Variants in CNOT3 observed in about 807,000 individuals in gnomAD.
The protein encoded by CNOT3 is CCR4-NOT transcription complex subunit 3.
CNOT3 carries 2 observed loss-of-function variants against 89.4 expected under a neutral mutation model. That is an observed-to-expected ratio of 0.02 (90% CI 0.01 to 0.07). CNOT3 has a LOEUF of 0.07. CNOT3 is among the 10% of genes least tolerant of loss of function. The pLI is 1.00. For missense variants in CNOT3, 664 were observed against 1,010.2 expected (o/e 0.66, Z 4.65); for synonymous variants, 486 against 402.0 (o/e 1.21, Z -2.50).
At position 54,148,836 on chromosome 19, in the gene CNOT3, C is replaced by A; in HGVS notation, c.1406+93C>A. 1.7e-6 allele frequency: 2 copies of A among 1,159,304 alleles called. No individual in the cohort carries two copies. Among genetic ancestry groups the A allele is most frequent in the East Asian group, 2.6e-5 (1 of 39,070 alleles). The allele number at this position is 1,159,304 out of a possible 1,614,324, so 71.8% of individuals were successfully genotyped here. On this transcript the variant is annotated intron_variant, in intron 12 of 17. Coordinates refer to ENST00000221232, the MANE Select transcript of CNOT3 (RefSeq NM_014516.4). The surrounding 1 kb of genome is among the most constrained non-coding windows in gnomAD (Gnocchi z 6.3). ...ACCCCCGCATCGGTGGGTTCTGAAC[C>A]CCCCGCCCTTGCTGCTGGGAATGGC...
At position 54,152,579 on chromosome 19, in the gene CNOT3, G is replaced by A; in HGVS notation, c.1857G>A (p.Glu619=). Reference sequence around the variant, plus strand: ...AGCTCTATCAGCAGGCCATGGAAGAGGCCGCCTGGCACCACATGCCTCACC... The same window carrying A: ...AGCTCTATCAGCAGGCCATGGAAGAAGCCGCCTGGCACCACATGCCTCACC... ...KEQLYQQAME[E]AAWHHMPHPS... Residue 619 remains glutamate (E), a synonymous_variant, in exon 15 of 18, where the codon GAG becomes GAA. Transcript: ENST00000221232. 4 of 1,614,042 alleles carry A rather than the reference G, an allele frequency of 2.5e-6. No homozygotes were observed. Among genetic ancestry groups the A allele is most frequent in the Admixed American group, 1.7e-5 (1 of 60,030 alleles).
In CNOT3 at chr19:54,142,958, T is replaced by A. The variant is rs370627054; in HGVS notation, c.-21T>A. The A allele has an allele frequency of 2.5e-6, 4 of 1,613,156 alleles. No homozygotes were observed. Among genetic ancestry groups the A allele is most frequent in the South Asian group, 1.1e-5 (1 of 91,052 alleles). On this transcript the variant is annotated 5_prime_UTR_variant, in exon 2 of 18. Transcript: ENST00000221232. Reference sequence around the variant, plus strand: ...CGTCTCCAAGAGAGTATGAAGAGAGTGCGTCTGTAGGGCAGGGAAGATGGC... The same window carrying A: ...CGTCTCCAAGAGAGTATGAAGAGAGAGCGTCTGTAGGGCAGGGAAGATGGC...
chr19:54,139,698 G>T (rs3810242), intron 1 of CNOT3, among the ~76,000 whole-genome samples: 87,337 of 151,918 alleles, frequency 0.57, 25,150 homozygotes, highest in Admixed American at 0.61. Context: ...CTCTTGATTT[G>T]TCACTGTATG....
rs1263665238 is a variant in CNOT3, at chr19:54,153,136, T to A, written c.2037+137T>A. 6 of 780,274 alleles carry A rather than the reference T, an allele frequency of 7.7e-6. No homozygotes were observed. The South Asian group carries it at 8.3e-5, about 11-fold the overall frequency. 48.3% of individuals were successfully genotyped at this position (780,274 alleles called of 1,614,324 possible). A position where few individuals can be genotyped will look rare whatever the true frequency, so the allele number is the denominator to read the frequency against. On this transcript the variant is annotated intron_variant, in intron 16 of 17. Transcript: ENST00000221232. ...CGCACCCCCTCCCTATTCCCACTCC[T>A]GGGCCCCTGCCCCAAATCCACCTGT...
chr19:54,138,689 T>C (rs1347328921), intron 1 of CNOT3, among the ~76,000 whole-genome samples: 1 of 152,140 alleles, frequency 6.6e-6, no homozygotes, highest in Non-Finnish European at 1.5e-5. Flanking sequence ...GAGGAGAAAC[T>C]CCCCGTTAGT....
rs2074602940 is a variant in CNOT3, at chr19:54,145,015, CAG to C, written c.484-580_484-579del. Among the ~76,000 whole-genome samples, 1 of 151,920 alleles carries C rather than the reference CAG, an allele frequency of 6.6e-6. No homozygotes were observed. Among genetic ancestry groups the C allele is most frequent in the African/African-American group, 2.4e-5 (1 of 41,312 alleles). ...TTCGGGGAGATGATGGGTCCTTGAA[CAG>C]AGCAGAGATTTGGAACCAAGGCTAA... On this transcript the variant is annotated intron_variant, in intron 7 of 17. Coordinates refer to ENST00000221232, the MANE Select transcript of CNOT3 (RefSeq NM_014516.4). The surrounding 1 kb of genome is among the most constrained non-coding windows in gnomAD (Gnocchi z 5.9).
At chr19:54,150,271 G>A (rs77214182) in intron 13 of CNOT3, among the ~76,000 whole-genome samples, 2 of 152,164 alleles carry the variant, frequency 1.3e-5, no homozygotes, top group Non-Finnish European at 2.9e-5. Flanking sequence ...GTCTGAGAGG[G>A]GGTGATGTTT....
rs1448615916 is a variant in CNOT3 at position 54,148,445 on chromosome 19, GGCGGAGGCGGCGGCA to G, written c.1203_1217del (p.Gly404_Ser408del). On this transcript the variant is annotated inframe_deletion, in exon 11 of 18. Transcript: ENST00000221232. This position sits in a 1 kb window ranked among gnomAD's most constrained non-coding sequence, Gnocchi z 6.3. The stretch of plus-strand genomic sequence containing the variant: ...GCCCCCCAGCGTCCAGCCTAGCGGA[GGCGGAGGCGGCGGCA>G]GCGGAGGCGGAGGGAGCAGCAGCAG... 1.3e-5 allele frequency: 20 copies of G among 1,566,606 alleles called. No individual in the cohort carries two copies. The highest frequency in any genetic ancestry group is 1.7e-5 in the Non-Finnish European group (20 of 1,154,244).
rs759054097 is a variant in CNOT3, at chr19:54,152,918, G to A, written c.1956G>A (p.Met652Ile). 6.3e-7 allele frequency: 1 copy of A among 1,591,532 alleles called. No individual in the cohort carries two copies. Among genetic ancestry groups the A allele is most frequent in the East Asian group, 2.2e-5 (1 of 44,466 alleles). The change falls in exon 16 of 18, where the codon ATG becomes ATA. Residue 652 changes from methionine (M) to isoleucine (I), a missense_variant. This residue lies in a region of CNOT3 where 545 missense variants were observed against 566.2 expected (regional missense o/e 0.96). Coordinates refer to ENST00000221232, the MANE Select transcript of CNOT3 (RefSeq NM_014516.4). ...CGACGCCCCCCTACCACCACCAGAT[G>A]CCACCCCCACACTCGGACACTGTGG... ...PCPTPPYHHQMPPPHSDTVEF... is the reference protein window; with the variant it reads ...PCPTPPYHHQIPPPHSDTVEF...
At chr19:54,143,272 G>A (rs1443004492) in intron 3 of CNOT3, 86 bp downstream of exon 3, 16 of 1,315,442 alleles carry the variant, frequency 1.2e-5, no homozygotes, top group East Asian at 1.1e-4. Flanking sequence ...GTTGACCAGC[G>A]GGAGGGGCTA....
chr19:54,153,146 C>T (rs747928071), intron 16 of CNOT3, 147 bp downstream of exon 16: 1 of 774,910 alleles, frequency 1.3e-6, no homozygotes, highest in South Asian at 1.4e-5. Context: ...TGGGCCCCTG[C>T]CCCAAATCCA....
rs2074510222 is a variant in CNOT3 at position 54,142,887 on chromosome 19, C to T, written c.-50-42C>T. On this transcript the variant is annotated intron_variant, in intron 1 of 17. Coordinates refer to ENST00000221232, the MANE Select transcript of CNOT3 (RefSeq NM_014516.4). ...GTCCATGTCTCTGGGTTTTTACCAG[C>T]CAGGGAATACGTGTTAATTCCTCTC... is the stretch of plus-strand genomic sequence containing the variant. 3.7e-6 allele frequency: 5 copies of T among 1,334,710 alleles called. No homozygotes were observed. The Middle Eastern group carries it at 6.4e-4, about 170-fold the overall frequency. 82.7% of individuals were successfully genotyped at this position (1,334,710 alleles called of 1,614,324 possible). A position where few individuals can be genotyped will look rare whatever the true frequency, so the allele number is the denominator to read the frequency against.
chr19:54,139,249 C>T (rs914153699), intron 1 of CNOT3, among the ~76,000 whole-genome samples: 1 of 152,150 alleles, frequency 6.6e-6, no homozygotes, highest in South Asian at 2.1e-4. Flanking sequence ...AGGCTTCTTC[C>T]ATCTTCACAC....
chr19:54,149,415 T>A (rs1600468065), intron 12 of CNOT3, 145 bp from the exon 13 acceptor site: 2 of 516,110 alleles, frequency 3.9e-6, no homozygotes, highest in East Asian at 3.2e-5. Context: ...GAGAACCACT[T>A]CTTTCTCCCA....
At chr19:54,154,222 C>A (rs1165068150) in intron 17 of CNOT3, 12 of 411,598 alleles carry the variant, frequency 2.9e-5, no homozygotes, top group Non-Finnish European at 5.7e-5. Flanking sequence ...GCCCCCACTT[C>A]ACCTCCAGGT....
rs781169938 is a variant in CNOT3, at chr19:54,146,013, C to T, written c.807C>T (p.Pro269=). ...CCACCTCAACCACCTCCAGCTCTCC[C>T]ATCCCGCCCAGCCCAGCCAACTGTA... The part of the protein sequence containing the change: ...STPTSTTSSS[P]IPPSPANCTT... The change falls in exon 9 of 18, where the codon CCC becomes CCT. Residue 269 remains proline (P), a synonymous_variant. Transcript: ENST00000221232. 1 of 1,612,864 alleles carries T rather than the reference C, an allele frequency of 6.2e-7. No individual in the cohort carries two copies. Among genetic ancestry groups the T allele is most frequent in the East Asian group, 2.2e-5 (1 of 44,874 alleles).
intron 17 of CNOT3, chr19:54,154,581 T>C (rs2075315908): frequency 6.4e-6 from 1 of 155,942 alleles, no homozygotes. Context: ...GATGTTTTTT[T>C]CCACCAAATA....
chr19:54,153,890 C>T, intron 17 of CNOT3, 50 bp downstream of exon 17: 2 of 1,613,244 alleles, frequency 1.2e-6, no homozygotes, highest in Non-Finnish European at 1.7e-6. Context: ...GGGTAGAGTC[C>T]CCAGGCTCCA....
chr19:54,149,814 C>T, intron 13 of CNOT3, 56 bp downstream of exon 13: 1 of 1,503,562 alleles, frequency 6.7e-7, no homozygotes, highest in East Asian at 2.5e-5. Context: ...TGTTTCTTTC[C>T]TCCAGGTCTC....
Sources: gnomAD v4.1 joint callset for allele counts (sites outside exome capture counted in the v4.1 genomes callset) on GRCh38, gnomAD v4.1.1 for gene constraint, gnomAD v4.1.1 regional missense constraint, Gnocchi (gnomAD v3.1) non-coding constraint, MANE v1.5 for transcripts, NCBI Gene and HGNC (gene_info 2026-07-23, HGNC 2026-07-21) for gene names.